Variants in ARHGAP21 observed in about 807,000 individuals in gnomAD.
The protein encoded by ARHGAP21 is rho GTPase-activating protein 21.
A neutral mutation model predicts 164.6 loss-of-function variants in ARHGAP21; 38 were observed. The ratio of observed to expected loss-of-function variants is 0.23; its 90% CI spans 0.18 to 0.30. ARHGAP21 has a LOEUF of 0.30. ARHGAP21 is among the 10% of genes least tolerant of loss of function. The pLI, the probability that ARHGAP21 is intolerant of heterozygous loss-of-function variation, is 1.00. For missense variants in ARHGAP21, 1,822 were observed against 2,370.7 expected (o/e 0.77, Z 4.81); for synonymous variants, 766 against 857.9 (o/e 0.89, Z 1.87).
intron 24 of ARHGAP21, chr10:24,590,494 T>G (rs955794367): frequency 3.3e-6 from 5 of 1,534,698 alleles, no homozygotes; most frequent in Non-Finnish European, 4.4e-6. Flanking sequence ...TCAACATCAG[T>G]ATAGATTTGC....
Position 24,723,822 on chromosome 10 carries a change from C to A in ARHGAP21, c.-641G>T. 6.7e-6 allele frequency among the ~76,000 whole-genome samples: 1 copy of A among 149,452 alleles called. No homozygotes were observed. Among genetic ancestry groups the A allele is most frequent in the East Asian group, 2.0e-4 (1 of 5,058 alleles). On this transcript the variant is annotated 5_prime_UTR_variant, in exon 1 of 26. Coordinates refer to ENST00000396432, the MANE Select transcript of ARHGAP21 (RefSeq NM_020824.4). ...GGCGGGGCGGCGGCCGCCGGACTCT[C>A]CCCTCGCCTCGCCGGGCCGGGCCGG...
intron 9 of ARHGAP21, among the ~76,000 whole-genome samples, chr10:24,610,326 A>G (rs2077202583): frequency 6.6e-6 from 1 of 151,378 alleles, no homozygotes; most frequent in Non-Finnish European, 1.5e-5. Flanking sequence ...CAGTAAGCTG[A>G]GATCATGCCA....
chr10:24,629,986 T>C lies in ARHGAP21; in HGVS notation c.495+10A>G. 6.5e-7 allele frequency: 1 copy of C among 1,545,350 alleles called. No homozygotes were observed. The highest frequency in any genetic ancestry group is 1.2e-5 in the South Asian group (1 of 85,264). On this transcript the variant is annotated intron_variant, in intron 7 of 25. Transcript: ENST00000396432. ...GTAAAACAACTCATATATGAATAAA[T>C]AAAACTTACCACTTGGAGAATGTCT...
chr10:24,658,865 A>G (rs1420696579), intron 4 of ARHGAP21, among the ~76,000 whole-genome samples: 1 of 152,232 alleles, frequency 6.6e-6, no homozygotes, highest in African/African-American at 2.4e-5. Flanking sequence ...CCCAATTTAA[A>G]AACAGGCAAT....
intron 6 of ARHGAP21, among the ~76,000 whole-genome samples, chr10:24,632,274 A>C (rs1407327319): frequency 1.3e-5 from 2 of 152,256 alleles, no homozygotes; most frequent in Non-Finnish European, 2.9e-5. Flanking sequence ...TTTTTAAAGA[A>C]GAGATATTAA....
At chr10:24,623,784 T>C (rs921700652) in intron 7 of ARHGAP21, among the ~76,000 whole-genome samples, 1 of 152,232 alleles carries the variant, frequency 6.6e-6, no homozygotes, top group Non-Finnish European at 1.5e-5. Context: ...ACGACACTAA[T>C]GTACATTGTG....
chr10:24,707,693 T>TA (rs1439434731), intron 2 of ARHGAP21, among the ~76,000 whole-genome samples: 1 of 152,202 alleles, frequency 6.6e-6, no homozygotes, highest in Non-Finnish European at 1.5e-5. Flanking sequence ...AGAGTCATCT[T>TA]AGACTCCTCC....
In ARHGAP21 at chr10:24,585,853, G is replaced by C; in HGVS notation, c.4436C>G (p.Thr1479Ser). ...QKIIIAKENS[T>S]RKDPSTTKDE... ...TTTTGTCGTGCTGGGGTCTTTCCTA[G>C]TGCTGTTTTCTTTGGCAATGATGAT... The change falls in exon 26 of 26, where the codon ACT becomes AGT. Residue 1479 changes from threonine to serine, a missense_variant. Transcript: ENST00000396432. 6.2e-7 allele frequency: 1 copy of C among 1,613,982 alleles called. No individual in the cohort carries two copies. The highest frequency in any genetic ancestry group is 8.5e-7 in the Non-Finnish European group (1 of 1,179,884).
chr10:24,601,867 T>G (rs978166788), intron 13 of ARHGAP21, 111 bp downstream of exon 13: 2 of 1,247,264 alleles, frequency 1.6e-6, no homozygotes, highest in Admixed American at 3.0e-5. Flanking sequence ...AAATGGTTTT[T>G]TTTTTCACTC....
chr10:24,591,800 C>T, intron 22 of ARHGAP21, 87 bp downstream of exon 22: 1 of 1,596,304 alleles, frequency 6.3e-7, no homozygotes. Context: ...CAACCAACCT[C>T]TGTCTGACCA....
chr10:24,653,215 C>A (rs1165834351), intron 4 of ARHGAP21, among the ~76,000 whole-genome samples: 2 of 152,190 alleles, frequency 1.3e-5, no homozygotes, highest in African/African-American at 4.8e-5. Context: ...CCCTGGTACC[C>A]TTTCCCAGTC....
At chr10:24,626,845 G>C (rs1835189341) in intron 7 of ARHGAP21, among the ~76,000 whole-genome samples, 1 of 152,120 alleles carries the variant, frequency 6.6e-6, no homozygotes. Flanking sequence ...TGATTAAAAT[G>C]AATGTAATAC....
chr10:24,685,174 G>T (rs1410760776), intron 2 of ARHGAP21, among the ~76,000 whole-genome samples: 1 of 152,094 alleles, frequency 6.6e-6, no homozygotes, highest in Non-Finnish European at 1.5e-5. Flanking sequence ...AAATTTGTTT[G>T]TTTTTTCCAT....
At position 24,619,899 on chromosome 10, in the gene ARHGAP21, A is replaced by G. The variant is rs755934603; in HGVS notation, c.1996T>C (p.Trp666Arg). Residue 666 changes from tryptophan to arginine, a missense_variant, in exon 9 of 26, where the codon TGG (tryptophan) becomes CGG (arginine). Trp to Arg is a moderately radical substitution (Grantham distance 101). Coordinates refer to ENST00000396432, the MANE Select transcript of ARHGAP21 (RefSeq NM_020824.4). ...TCGGGGGCACTGTCAGTCCTTACCC[A>G]TGTCTGCTGATTCAACAGACTGTTC... Reference protein sequence around the residue: ...HQNSLLNQQTWVRTDSAPDQQ... With the variant: ...HQNSLLNQQTRVRTDSAPDQQ... 2.7e-5 allele frequency: 43 copies of G among 1,614,064 alleles called. 1 individual carries two copies. The highest frequency in any genetic ancestry group is 5.0e-5 in the Admixed American group (3 of 60,000).
At chr10:24,611,318 G>A (rs1015778497) in intron 9 of ARHGAP21, among the ~76,000 whole-genome samples, 7 of 152,210 alleles carry the variant, frequency 4.6e-5, no homozygotes, top group Non-Finnish European at 8.8e-5. Flanking sequence ...AACAAAAACT[G>A]TAGAAATCAG....
chr10:24,698,382 G>T (rs1196081501), intron 2 of ARHGAP21, among the ~76,000 whole-genome samples: 1 of 152,096 alleles, frequency 6.6e-6, no homozygotes, highest in Non-Finnish European at 1.5e-5. Flanking sequence ...CCAAGCAGCG[G>T]CAAAGTGACT....
chr10:24,620,059 T>C lies in ARHGAP21; in HGVS notation c.1836A>G (p.Ser612=). The C allele has an allele frequency of 1.2e-6, 2 of 1,613,974 alleles. No individual in the cohort carries two copies. The highest frequency in any genetic ancestry group is 1.7e-5 in the Admixed American group (1 of 60,014). ...CTTTCACAAGAGGTGACCTGTCTTG[T>C]GAAATACCCCGAGGCAGTGACATTC... ...TCGMSLPRGI[S]QDRSPLVKVR... Residue 612 remains serine, a synonymous_variant, in exon 9 of 26, where the codon TCA becomes TCG. Coordinates refer to ENST00000396432, the MANE Select transcript of ARHGAP21 (RefSeq NM_020824.4).
chr10:24,591,008 G>A (rs2076305324), intron 24 of ARHGAP21: 2 of 774,300 alleles, frequency 2.6e-6, no homozygotes, highest in South Asian at 5.9e-5. Flanking sequence ...GTTCCATTCT[G>A]ACAAACATTA....
intron 4 of ARHGAP21, among the ~76,000 whole-genome samples, chr10:24,639,320 G>T (rs1263972226): frequency 6.6e-6 from 1 of 152,108 alleles, no homozygotes; most frequent in African/African-American, 2.4e-5. Context: ...TGAATGATTT[G>T]TATGTGCCCC....
Sources: gnomAD v4.1 joint callset for allele counts (sites outside exome capture counted in the v4.1 genomes callset) on GRCh38, gnomAD v4.1.1 for gene constraint, MANE v1.5 for transcripts, NCBI Gene and HGNC (gene_info 2026-07-23, HGNC 2026-07-21) for gene names.